The following STAT4 variants were observed in gnomAD, a reference collection of about 807,000 sequenced individuals.
The protein encoded by STAT4 is signal transducer and activator of transcription 4.
A neutral mutation model predicts 110.5 loss-of-function variants in STAT4; 42 were observed. The observed-to-expected ratio is 0.38, with a 90% CI of 0.30 to 0.49. STAT4 has a LOEUF of 0.49. Ranked by LOEUF, STAT4 falls within the 20% of genes least tolerant of loss-of-function variation. STAT4 has a pLI of 0.95. For synonymous variants in STAT4, 284 were observed against 302.2 expected (o/e 0.94, Z 0.63); for missense variants, 632 against 887.9 (o/e 0.71, Z 3.66).
At chr2:191,134,191 G>A (rs914229437) in intron 3 of STAT4, among the ~76,000 whole-genome samples, 1 of 152,134 alleles carries the variant, frequency 6.6e-6, no homozygotes, top group Non-Finnish European at 1.5e-5. Flanking sequence ...TATAGGCCTG[G>A]GGACTGGCCC....
chr2:191,069,754 G>T lies in STAT4; in HGVS notation c.483C>A (p.Thr161=). 1 of 1,608,616 alleles carries T rather than the reference G, an allele frequency of 6.2e-7. No homozygotes were observed. The highest frequency in any genetic ancestry group is 1.1e-5 in the South Asian group (1 of 90,046). Residue 161 remains threonine, a synonymous_variant, in exon 6 of 24, where the codon ACC becomes ACA. Coordinates refer to ENST00000392320, the MANE Select transcript of STAT4 (RefSeq NM_003151.4). ...KNSVQMTEQD[T]KYLEDLQDEF... is the part of the protein sequence containing the mutation. ...CGTCTTGCAGATCTTCTAAGTATTT[G>T]GTATCTTGTTCTGTCATCTTTTCAC...
intron 3 of STAT4, among the ~76,000 whole-genome samples, chr2:191,097,658 A>T (rs997081296): frequency 6.6e-6 from 1 of 152,252 alleles, no homozygotes; most frequent in Non-Finnish European, 1.5e-5. Context: ...ACCTAAAACC[A>T]TAAAAACCCT....
At chr2:191,133,936 T>C (rs1196413758) in intron 3 of STAT4, among the ~76,000 whole-genome samples, 1 of 152,222 alleles carries the variant, frequency 6.6e-6, no homozygotes, top group Non-Finnish European at 1.5e-5. Flanking sequence ...AAATGAGCTA[T>C]TAAGCCATGC....
intron 5 of STAT4, among the ~76,000 whole-genome samples, chr2:191,070,967 T>C (rs958085460): frequency 6.6e-6 from 1 of 152,202 alleles, no homozygotes; most frequent in African/African-American, 2.4e-5. Context: ...GCTTCATAAG[T>C]AGTAGCTATT....
At position 191,059,216 on chromosome 2, in the gene STAT4, T is replaced by C. The variant is rs1306609617; in HGVS notation, c.1035-447A>G. Among the ~76,000 whole-genome samples the C allele has an allele frequency of 2.0e-5, 3 of 152,222 alleles. No homozygotes were observed. The highest frequency in any genetic ancestry group is 4.4e-5 in the Non-Finnish European group (3 of 68,036). On this transcript the variant is annotated intron_variant, in intron 10 of 23. Transcript: ENST00000392320. This position sits in a 1 kb window ranked among gnomAD's most constrained non-coding sequence, Gnocchi z 4.7. ...TGGTGAACATACTAAGACAGAACTG[T>C]AGTAAAATATGGAAAATCCCAACTT...
intron 3 of STAT4, among the ~76,000 whole-genome samples, chr2:191,101,208 A>C (rs565146203): frequency 6.6e-6 from 1 of 152,330 alleles, no homozygotes; most frequent in South Asian, 2.1e-4. Flanking sequence ...GATAAAAATA[A>C]CTGAGAAAAA....
intron 3 of STAT4, among the ~76,000 whole-genome samples, chr2:191,127,991 GA>G (rs1340893818): frequency 6.6e-6 from 1 of 152,190 alleles, no homozygotes; most frequent in Non-Finnish European, 1.5e-5. Context: ...AACTTAGTGC[GA>G]TATGCACAAA....
At chr2:191,139,378 C>G (rs1402911361) in intron 3 of STAT4, among the ~76,000 whole-genome samples, 1 of 152,154 alleles carries the variant, frequency 6.6e-6, no homozygotes, top group Non-Finnish European at 1.5e-5. Context: ...GCTCTTAACT[C>G]TGATAAAGGA....
rs1378494070 is a variant in STAT4, at chr2:191,043,528, C to T, written c.1252-2380G>A. Among the ~76,000 whole-genome samples, 1 of 152,016 alleles carries T rather than the reference C, an allele frequency of 6.6e-6. No individual in the cohort carries two copies. The highest frequency in any genetic ancestry group is 1.5e-5 in the Non-Finnish European group (1 of 68,000). On this transcript the variant is annotated intron_variant, in intron 14 of 23. Transcript: ENST00000392320. This position sits in a 1 kb window ranked among gnomAD's most constrained non-coding sequence, Gnocchi z 4.8. Reference sequence around the variant, plus strand: ...AGTATCTAGAAAAGTAGAAGATGCACATTACCTATACGTAACAATTCTTGT... The same window carrying T: ...AGTATCTAGAAAAGTAGAAGATGCATATTACCTATACGTAACAATTCTTGT...
At position 191,061,424 on chromosome 2, in the gene STAT4, C is replaced by T. The variant is rs962871020; in HGVS notation, c.1034+305G>A. Among the ~76,000 whole-genome samples, 2 of 152,168 alleles carry T rather than the reference C, an allele frequency of 1.3e-5. No individual in the cohort carries two copies. The highest frequency in any genetic ancestry group is 6.5e-5 in the Admixed American group (1 of 15,274). Reference sequence around the variant, plus strand: ...TCTCCTACAATCCTCCTCCCCTCTCCCAATCTCTCCAGTCTTTTCTCAAGT... The same window carrying T: ...TCTCCTACAATCCTCCTCCCCTCTCTCAATCTCTCCAGTCTTTTCTCAAGT... On this transcript the variant is annotated intron_variant, in intron 10 of 23. Transcript: ENST00000392320. This position sits in a 1 kb window ranked among gnomAD's most constrained non-coding sequence, Gnocchi z 6.2.
rs768152973 is a variant in STAT4, at chr2:191,058,659, T to A, written c.1094+51A>T. The A allele has an allele frequency of 1.8e-6, 2 of 1,135,354 alleles. No individual in the cohort carries two copies. The highest frequency in any genetic ancestry group is 2.6e-6 in the Non-Finnish European group (2 of 773,066). The allele number at this position is 1,135,354 out of a possible 1,614,324, so 70.3% of individuals were successfully genotyped here. A position where few individuals can be genotyped will look rare whatever the true frequency, so the allele number is the denominator to read the frequency against. On this transcript the variant is annotated intron_variant, in intron 11 of 23. Coordinates refer to ENST00000392320, the MANE Select transcript of STAT4 (RefSeq NM_003151.4). The surrounding 1 kb of genome is among the most constrained non-coding windows in gnomAD (Gnocchi z 4.3). ...CTATAAAATAAAGGCCATTCATTTT[T>A]AAAAGTCTTACATTTGGAATTGTAA... is the stretch of plus-strand genomic sequence containing the variant.
At chr2:191,105,384 A>T (rs1698250865) in intron 3 of STAT4, among the ~76,000 whole-genome samples, 1 of 152,262 alleles carries the variant, frequency 6.6e-6, no homozygotes, top group Admixed American at 6.5e-5. Flanking sequence ...TCATGAAGGG[A>T]TGACACATAC....
At position 191,099,286 on chromosome 2, in the gene STAT4, T is replaced by C. The variant is rs766458170; in HGVS notation, c.274-22961A>G. 3.1e-4 allele frequency among the ~76,000 whole-genome samples: 47 copies of C among 152,286 alleles called. No individual in the cohort carries two copies. The highest frequency in any genetic ancestry group is 6.3e-4 in the Non-Finnish European group (43 of 68,000). On this transcript the variant is annotated intron_variant, in intron 3 of 23. Transcript: ENST00000392320. The surrounding 1 kb of genome is among the most constrained non-coding windows in gnomAD (Gnocchi z 4.1). ...TGATGGAACTGTGAATTTTACAACC[T>C]ATTAGGAAAGAAATCTCAAAATATC...
chr2:191,088,688 A>G (rs1017281414), intron 3 of STAT4, among the ~76,000 whole-genome samples: 4 of 152,228 alleles, frequency 2.6e-5, no homozygotes, highest in Non-Finnish European at 5.9e-5. Context: ...GTATAAACCT[A>G]TAGTAATCAA....
At chr2:191,109,484 A>T (rs2125357677) in intron 3 of STAT4, among the ~76,000 whole-genome samples, 1 of 152,210 alleles carries the variant, frequency 6.6e-6, no homozygotes, top group South Asian at 2.1e-4. Flanking sequence ...TCTCCCTTCA[A>T]ATAATTCAGA....
chr2:191,065,143 T>A (rs1403735059), intron 7 of STAT4, among the ~76,000 whole-genome samples, 185 bp from the exon 8 acceptor site: 1 of 152,202 alleles, frequency 6.6e-6, no homozygotes. Flanking sequence ...ATAAATGATG[T>A]CATGAGAAAA....
intron 3 of STAT4, among the ~76,000 whole-genome samples, chr2:191,097,638 T>TAAATGTTAGACCTA (rs1412740240): frequency 1.3e-5 from 2 of 152,172 alleles, no homozygotes; most frequent in Non-Finnish European, 2.9e-5. Flanking sequence ...ATTAAAGACT[T>TAAATGTTAGACCTA]AAATGTTAGA....
chr2:191,063,636 G>A (rs566261559), intron 8 of STAT4, among the ~76,000 whole-genome samples: 2,133 of 152,304 alleles, frequency 0.014, 53 homozygotes, highest in African/African-American at 0.049. Context: ...TCGCCATACA[G>A]TAACTCTTTC....
At chr2:191,121,365 A>G (rs552096593) in intron 3 of STAT4, among the ~76,000 whole-genome samples, 346 of 152,270 alleles carry the variant, frequency 2.3e-3, no homozygotes, top group African/African-American at 7.5e-3. Flanking sequence ...ACAGTGTGGC[A>G]ATTCCTCAAG....
Sources: allele counts gnomAD v4.1 joint callset (sites outside exome capture counted in the v4.1 genomes callset), GRCh38; gene constraint gnomAD v4.1.1; non-coding constraint Gnocchi (gnomAD v3.1); transcripts MANE v1.5; gene names NCBI Gene and HGNC (gene_info 2026-07-23, HGNC 2026-07-21).